TTC7B: variants seen among roughly 807,000 people sequenced by gnomAD.
TTC7B encodes tetratricopeptide repeat protein 7B.
In TTC7B, 28 loss-of-function variants were observed where a neutral mutation model predicts 106.8. That is an observed-to-expected ratio of 0.26 (90% CI 0.19 to 0.36). The LOEUF (loss-of-function observed/expected upper bound fraction) is 0.36. Among genes scored for constraint, TTC7B ranks in the 10% least tolerant of loss-of-function variants. The pLI, the probability that TTC7B is intolerant of heterozygous loss-of-function variation, is 1.00. For missense variants in TTC7B, 862 were observed against 1,076.4 expected, an observed-to-expected ratio of 0.80 and a Z score of 2.79; for synonymous variants, 405 against 430.6, an observed-to-expected ratio of 0.94 and a Z score of 0.74.
At chr14:90,668,882 C>A (rs1886522804) in intron 9 of TTC7B, among the ~76,000 whole-genome samples, 1 of 121,960 alleles carries the variant, frequency 8.2e-6, no homozygotes. Flanking sequence ...AATCCTCAAA[C>A]TCATATGGAA....
chr14:90,674,886 G>C (rs111779684), intron 9 of TTC7B, among the ~76,000 whole-genome samples: 1 of 152,178 alleles, frequency 6.6e-6, no homozygotes, highest in Non-Finnish European at 1.5e-5. Context: ...GACTTGCAAA[G>C]GTTCCCGCAA....
chr14:90,779,729 C>A (rs576763124), intron 3 of TTC7B, among the ~76,000 whole-genome samples: 29 of 152,212 alleles, frequency 1.9e-4, no homozygotes, highest in Non-Finnish European at 3.7e-4. Flanking sequence ...ATGCCCATTA[C>A]AGATTGAGGA....
intron 9 of TTC7B, among the ~76,000 whole-genome samples, chr14:90,674,494 C>T (rs1886750556): frequency 6.6e-6 from 1 of 152,222 alleles, no homozygotes; most frequent in Admixed American, 6.5e-5. Context: ...ATAAGGCATG[C>T]AGAGCTTGTG....
intron 5 of TTC7B, among the ~76,000 whole-genome samples, chr14:90,719,195 C>T (rs539260955): frequency 1.3e-5 from 2 of 152,198 alleles, no homozygotes; most frequent in Non-Finnish European, 2.9e-5. Context: ...GATTGCTTAG[C>T]CCTGGGAGGT....
chr14:90,593,651 C>CTT (rs747809749), intron 17 of TTC7B, 25 bp from the exon 18 acceptor site: 2 of 1,557,038 alleles, frequency 1.3e-6, no homozygotes, highest in South Asian at 2.4e-5. Context: ...TGAGAAGACT[C>CTT]TATCAGGAGC....
At chr14:90,798,728 A>AAC (rs2030045202) in intron 1 of TTC7B, among the ~76,000 whole-genome samples, 6 of 150,600 alleles carry the variant, frequency 4.0e-5, no homozygotes, top group African/African-American at 1.5e-4. Flanking sequence ...AAAAAAAAAA[A>AAC]AAAACACGCA....
chr14:90,571,296 C>A (rs537072962), intron 19 of TTC7B, among the ~76,000 whole-genome samples: 2 of 152,318 alleles, frequency 1.3e-5, no homozygotes, highest in African/African-American at 4.8e-5. Context: ...TGTCACCAGA[C>A]AGAAGACAGA....
At chr14:90,625,348 C>T (rs1884394051) in intron 15 of TTC7B, among the ~76,000 whole-genome samples, 1 of 152,216 alleles carries the variant, frequency 6.6e-6, no homozygotes, top group East Asian at 1.9e-4. Flanking sequence ...CCCAGGCCCT[C>T]AGCAGGGAGG....
At chr14:90,686,917 A>G (rs752570859) in intron 7 of TTC7B, among the ~76,000 whole-genome samples, 1 of 152,178 alleles carries the variant, frequency 6.6e-6, no homozygotes, top group Non-Finnish European at 1.5e-5. Context: ...CAGAAGACTT[A>G]ATATTTTTAA....
intron 3 of TTC7B, among the ~76,000 whole-genome samples, chr14:90,748,076 C>G (rs1293806657): frequency 6.6e-6 from 1 of 152,078 alleles, no homozygotes; most frequent in East Asian, 1.9e-4. Context: ...TTTTTCCAAT[C>G]TGACAATCTC....
chr14:90,815,956 G>C (rs2031150976), intron 1 of TTC7B, among the ~76,000 whole-genome samples: 1 of 151,524 alleles, frequency 6.6e-6, no homozygotes, highest in Non-Finnish European at 1.5e-5. Flanking sequence ...CCCAGGCGCC[G>C]GGACAGCCCC....
At chr14:90,651,861 C>T (rs553144181) in intron 13 of TTC7B, among the ~76,000 whole-genome samples, 23 of 152,304 alleles carry the variant, frequency 1.5e-4, no homozygotes, top group African/African-American at 4.1e-4. Context: ...AATCAGTAGG[C>T]AGCCCCAGTT....
chr14:90,773,824 C>G (rs1339310317), intron 3 of TTC7B, among the ~76,000 whole-genome samples: 1 of 152,214 alleles, frequency 6.6e-6, no homozygotes, highest in Non-Finnish European at 1.5e-5. Flanking sequence ...CTGCTCTTCC[C>G]CCAAAAAGCC....
At position 90,536,163 on chromosome 14, in the gene TTC7B, G is replaced by A. The variant is rs1349924094; in HGVS notation, c.*5205C>T. 6.5e-6 allele frequency: 1 copy of A among 154,944 alleles called. No homozygotes were observed. The highest frequency in any genetic ancestry group is 2.4e-5 in the African/African-American group (1 of 41,454). 9.6% of individuals were successfully genotyped at this position (154,944 alleles called of 1,614,324 possible). On this transcript the variant is annotated 3_prime_UTR_variant, in exon 20 of 20. Coordinates refer to ENST00000328459, the MANE Select transcript of TTC7B (RefSeq NM_001010854.2). ...CCCTGACGGGGTCTCCAGGCATTGA[G>A]AGAGCCCACCCACCTCCTCCAGGAA...
intron 18 of TTC7B, among the ~76,000 whole-genome samples, chr14:90,583,600 C>G (rs953693373): frequency 6.6e-6 from 1 of 152,202 alleles, no homozygotes; most frequent in Non-Finnish European, 1.5e-5. Flanking sequence ...GAACACACTT[C>G]AGCGCAAGGT....
chr14:90,648,507 C>T (rs1201055024), intron 13 of TTC7B: 2 of 152,210 alleles, frequency 1.3e-5, no homozygotes, highest in South Asian at 2.0e-4. Flanking sequence ...GTGCTCCCCA[C>T]GCCCAGCTAA....
At chr14:90,650,931 G>C (rs934928607) in intron 13 of TTC7B, among the ~76,000 whole-genome samples, 9 of 152,164 alleles carry the variant, frequency 5.9e-5, no homozygotes, top group Non-Finnish European at 8.8e-5. Flanking sequence ...GGATCCACTA[G>C]AGAACAAATA....
intron 9 of TTC7B, among the ~76,000 whole-genome samples, chr14:90,674,381 C>T (rs1248567266): frequency 1.3e-5 from 2 of 152,232 alleles, no homozygotes; most frequent in Non-Finnish European, 2.9e-5. Context: ...CAACATCGAC[C>T]GTTTTAGTCG....
At chr14:90,655,548 C>A (rs1232912361) in intron 11 of TTC7B, among the ~76,000 whole-genome samples, 2 of 152,180 alleles carry the variant, frequency 1.3e-5, no homozygotes, top group African/African-American at 4.8e-5. Context: ...GGCTTGGATT[C>A]TCTTTGCCAT....
Sources: allele counts gnomAD v4.1 joint callset (sites outside exome capture counted in the v4.1 genomes callset), GRCh38; gene constraint gnomAD v4.1.1; transcripts MANE v1.5; gene names NCBI Gene and HGNC (gene_info 2026-07-23, HGNC 2026-07-21).